The following CFTR variants were observed in gnomAD, a reference collection of about 807,000 sequenced individuals.
The protein encoded by CFTR is CF transmembrane conductance regulator, also known as cystic fibrosis transmembrane conductance regulator.
In CFTR, 181 loss-of-function variants were observed where a neutral mutation model predicts 171.6. The observed-to-expected ratio is 1.05, with a 90% CI of 0.93 to 1.19. CFTR has a LOEUF of 1.19. Ranked by LOEUF, CFTR falls within the 50% of genes most tolerant of loss-of-function variation. The pLI is 0.00. For missense variants in CFTR, 1,968 were observed against 1,734.7 expected (o/e 1.13, Z -2.39); for synonymous variants, 583 against 608.0 (o/e 0.96, Z 0.60).
chr7:117,486,532 A>G (rs1798077252), intron 1 of CFTR, among the ~76,000 whole-genome samples: 1 of 152,060 alleles, frequency 6.6e-6, no homozygotes, highest in Non-Finnish European at 1.5e-5. Flanking sequence ...TTCAATTAGA[A>G]TTATCCAAAG....
chr7:117,505,133 C>T (rs549206845), intron 2 of CFTR, among the ~76,000 whole-genome samples: 1 of 152,186 alleles, frequency 6.6e-6, no homozygotes, highest in African/African-American at 2.4e-5. Flanking sequence ...GAGTGGAAAG[C>T]ATCATTATCT....
intron 22 of CFTR, among the ~76,000 whole-genome samples, chr7:117,635,410 T>C (rs1792811092): frequency 6.6e-6 from 1 of 152,142 alleles, no homozygotes; most frequent in Admixed American, 6.5e-5. Context: ...CTTTGTCTTT[T>C]AATTGGTATA....
intron 3 of CFTR, among the ~76,000 whole-genome samples, chr7:117,520,222 T>G (rs1427725838): frequency 6.6e-6 from 1 of 151,554 alleles, no homozygotes; most frequent in African/African-American, 2.4e-5. Context: ...GAGAGAATAT[T>G]TTCCCTAGCC....
rs1382200552 is a variant in CFTR at position 117,595,031 on chromosome 7, T to C, written c.2592T>C (p.Ile864=). The C allele has an allele frequency of 1.9e-6, 3 of 1,612,968 alleles. No homozygotes were observed. The African/African-American group carries it at 4.0e-5, about 21-fold the overall frequency. Residue 864 remains isoleucine, a synonymous_variant, in exon 15 of 27, where the codon ATT becomes ATC. Transcript: ENST00000003084. The part of the protein sequence containing the change: ...TVHKSLIFVL[I]WCLVIFLAEV... Reference sequence around the variant, plus strand: ...ACAAGAGCTTAATTTTTGTGCTAATTTGGTGCTTAGTAATTTTTCTGGCAG... The same window carrying C: ...ACAAGAGCTTAATTTTTGTGCTAATCTGGTGCTTAGTAATTTTTCTGGCAG...
At chr7:117,647,721 A>G (rs1053771416) in intron 23 of CFTR, among the ~76,000 whole-genome samples, 2 of 151,362 alleles carry the variant, frequency 1.3e-5, no homozygotes, top group African/African-American at 4.9e-5. Flanking sequence ...TGGTCTTACT[A>G]TGTTCTACAG....
chr7:117,636,077 T>C (rs1792824161), intron 22 of CFTR, among the ~76,000 whole-genome samples: 1 of 152,162 alleles, frequency 6.6e-6, no homozygotes, highest in Non-Finnish European at 1.5e-5. Flanking sequence ...CCCCAATTTT[T>C]GTTTGTCTGA....
At chr7:117,547,786 C>G (rs1394666264) in intron 9 of CFTR, among the ~76,000 whole-genome samples, 1 of 152,140 alleles carries the variant, frequency 6.6e-6, no homozygotes, top group African/African-American at 2.4e-5. Context: ...TACTATACTC[C>G]CTTGCATGGT....
intron 4 of CFTR, among the ~76,000 whole-genome samples, chr7:117,531,457 A>AT (rs1798865429): frequency 6.6e-6 from 1 of 152,130 alleles, no homozygotes; most frequent in Non-Finnish European, 1.5e-5. Flanking sequence ...TTATAGTAAA[A>AT]TGCCACATAT....
In CFTR at chr7:117,592,249, G is replaced by C. The variant is rs1584812453; in HGVS notation, c.2082G>C (p.Gly694=). ...CTTTTAAACAGACTGGAGAGTTTGGGGAAAAAAGGAAGAATTCTATTCTCA... is the reference window on the plus strand; with the variant it reads ...CTTTTAAACAGACTGGAGAGTTTGGCGAAAAAAGGAAGAATTCTATTCTCA... ...KQSFKQTGEF[G]EKRKNSILNP... The change falls in exon 14 of 27, where the codon GGG becomes GGC. Residue 694 remains glycine (G), a synonymous_variant. Transcript: ENST00000003084. 1 of 1,613,592 alleles carries C rather than the reference G, an allele frequency of 6.2e-7. No individual in the cohort carries two copies. The highest frequency in any genetic ancestry group is 8.5e-7 in the Non-Finnish European group (1 of 1,180,004).
intron 22 of CFTR, among the ~76,000 whole-genome samples, chr7:117,628,770 G>A (rs1031664066): frequency 1.3e-5 from 2 of 152,092 alleles, no homozygotes; most frequent in African/African-American, 4.8e-5. Flanking sequence ...TATATAGGAT[G>A]TGCGAAAAGT....
At chr7:117,510,607 A>G (rs1469462369) in intron 3 of CFTR, among the ~76,000 whole-genome samples, 4 of 152,116 alleles carry the variant, frequency 2.6e-5, no homozygotes, top group African/African-American at 4.8e-5. Flanking sequence ...GAGGGGTCTA[A>G]TTAGAAGGCC....
intron 1 of CFTR, among the ~76,000 whole-genome samples, chr7:117,481,019 T>A (rs528203405): frequency 6.6e-6 from 1 of 152,222 alleles, no homozygotes; most frequent in African/African-American, 2.4e-5. Context: ...GGGACATTAC[T>A]TGACACATAA....
Position 117,668,206 on chromosome 7 carries a change from T to G in CFTR, c.*1098T>G, listed in dbSNP as rs1483523396. ...TTTATATGCTTCTGTTTTATAATTTTGTGAAGCAAAATTTTTTCTCTAGGA... is the reference window on the plus strand; with the variant it reads ...TTTATATGCTTCTGTTTTATAATTTGGTGAAGCAAAATTTTTTCTCTAGGA... On this transcript the variant is annotated 3_prime_UTR_variant, in exon 27 of 27. Coordinates refer to ENST00000003084, the MANE Select transcript of CFTR (RefSeq NM_000492.4). 3 of 152,238 alleles carry G rather than the reference T, an allele frequency of 2.0e-5. No homozygotes were observed. The highest frequency in any genetic ancestry group is 2.9e-5 in the Non-Finnish European group (2 of 68,042). The allele number at this position is 152,238 out of a possible 1,614,324, so 9.4% of individuals were successfully genotyped here. A position where few individuals can be genotyped will look rare whatever the true frequency, so the allele number is the denominator to read the frequency against.
intron 11 of CFTR, among the ~76,000 whole-genome samples, chr7:117,560,019 A>G (rs1282102132): frequency 6.6e-6 from 1 of 152,102 alleles, no homozygotes; most frequent in Non-Finnish European, 1.5e-5. Context: ...CAAAATATGC[A>G]TCTTTAAAAA....
intron 21 of CFTR, among the ~76,000 whole-genome samples, chr7:117,618,478 TCA>T (rs34610095): frequency 1.4e-3 from 202 of 148,076 alleles, no homozygotes; most frequent in Middle Eastern, 0.011. Flanking sequence ...AGACTCCGTC[TCA>T]CACACACACA....
At chr7:117,552,443 A>G (rs1389995886) in intron 10 of CFTR, among the ~76,000 whole-genome samples, 1 of 152,138 alleles carries the variant, frequency 6.6e-6, no homozygotes, top group African/African-American at 2.4e-5. Flanking sequence ...ATTTTTTCCC[A>G]TGTAATAAGA....
chr7:117,663,145 A>G (rs1445019926), intron 24 of CFTR, among the ~76,000 whole-genome samples: 1 of 152,184 alleles, frequency 6.6e-6, no homozygotes, highest in Non-Finnish European at 1.5e-5. Flanking sequence ...ACCCAGAAAC[A>G]AGGGAGGGAT....
chr7:117,646,591 T>A (rs908084719), intron 23 of CFTR, among the ~76,000 whole-genome samples: 2 of 152,016 alleles, frequency 1.3e-5, no homozygotes, highest in African/African-American at 4.8e-5. Context: ...TCACGAGGAA[T>A]GGGTTGGGCC....
rs775713428 is a variant in CFTR at position 117,535,365 on chromosome 7, C to G, written c.697C>G (p.Leu233Val). The change falls in exon 6 of 27, where the codon CTT becomes GTT. Residue 233 changes from leucine to valine, a missense_variant. By Grantham distance (32) the Leu-to-Val change is conservative (BLOSUM62 1). Coordinates refer to ENST00000003084, the MANE Select transcript of CFTR (RefSeq NM_000492.4). Reference sequence around the variant, plus strand: ...CTGTGGACTTGGTTTCCTGATAGTCCTTGCCCTTTTTCAGGCTGGGCTAGG... The same window carrying G: ...CTGTGGACTTGGTTTCCTGATAGTCGTTGCCCTTTTTCAGGCTGGGCTAGG... ...AFCGLGFLIV[L>V]ALFQAGLGRM... 65 of 1,613,890 alleles carry G rather than the reference C, an allele frequency of 4.0e-5. No individual in the cohort carries two copies. The highest frequency in any genetic ancestry group is 2.5e-4 in the South Asian group (23 of 91,070).
Sources: allele counts gnomAD v4.1 joint callset (sites outside exome capture counted in the v4.1 genomes callset), GRCh38; gene constraint gnomAD v4.1.1; transcripts MANE v1.5; gene names NCBI Gene and HGNC (gene_info 2026-07-23, HGNC 2026-07-21).